Variants in ZNF281 observed in about 807,000 individuals in gnomAD.
ZNF281 encodes zinc finger protein 281.
In ZNF281, 2 loss-of-function variants were observed where a neutral mutation model predicts 58.8. The observed-to-expected ratio is 0.03, with a 90% CI of 0.01 to 0.11. ZNF281 has a LOEUF of 0.11. Among genes scored for constraint, ZNF281 ranks in the 10% least tolerant of loss-of-function variants. The pLI is 1.00. For missense variants in ZNF281, 975 were observed against 1,090.7 expected (o/e 0.89, Z 1.49); for synonymous variants, 465 against 407.7 (o/e 1.14, Z -1.69).
Position 200,407,820 on chromosome 1 carries a change from G to A in ZNF281, c.1886C>T (p.Ala629Val), listed in dbSNP as rs368423007. ...ESQKEDPFNI[A>V]EPRVDLHTSG... Reference sequence around the variant, plus strand: ...GGTGTGTAAATCCACTCGTGGTTCTGCAATATTGAAAGGATCCTCTTTCTG... The same window carrying A: ...GGTGTGTAAATCCACTCGTGGTTCTACAATATTGAAAGGATCCTCTTTCTG... The change falls in exon 2 of 2, where the codon GCA becomes GTA. Residue 629 changes from alanine (A) to valine (V), a missense_variant. Ala to Val is a moderately conservative substitution (Grantham distance 64). Around this residue, in one of 3 missense-constraint regions of ZNF281, gnomAD observed 579 missense variants for 608.9 expected, o/e 0.95. Transcript: ENST00000367353. 9.9e-6 allele frequency: 16 copies of A among 1,614,016 alleles called. No individual in the cohort carries two copies. The highest frequency in any genetic ancestry group is 1.6e-4 in the Middle Eastern group (1 of 6,082).
rs1342032031 is a variant in ZNF281, at chr1:200,409,157, A to G, written c.549T>C (p.His183=). 1 of 1,613,918 alleles carries G rather than the reference A, an allele frequency of 6.2e-7. No individual in the cohort carries two copies. The highest frequency in any genetic ancestry group is 1.7e-5 in the Admixed American group (1 of 60,006). Residue 183 remains histidine, a synonymous_variant, in exon 2 of 2, where the codon CAT becomes CAC. Transcript: ENST00000367353. The part of the protein sequence containing the change: ...VIQDLSILHQ[H]VQQQPAQHHR... Reference sequence around the variant, plus strand: ...GGTGCTGGGCTGGTTGCTGCTGGACATGCTGGTGGAGAATACTGAGGTCCT... The same window carrying G: ...GGTGCTGGGCTGGTTGCTGCTGGACGTGCTGGTGGAGAATACTGAGGTCCT...
rs781198186 is a variant in ZNF281, at chr1:200,408,332, C to G, written c.1374G>C (p.Leu458=). 6.2e-7 allele frequency: 1 copy of G among 1,613,480 alleles called. No homozygotes were observed. The highest frequency in any genetic ancestry group is 2.2e-5 in the East Asian group (1 of 44,884). ...GGIIGTGIDE[L]QKRVPKLIFK... Reference sequence around the variant, plus strand: ...AGATCAATTTTGGCACCCTCTTCTGCAGTTCATCTATTCCAGTGCCAATTA... The same window carrying G: ...AGATCAATTTTGGCACCCTCTTCTGGAGTTCATCTATTCCAGTGCCAATTA... Residue 458 remains leucine (L), a synonymous_variant, in exon 2 of 2, where the codon CTG becomes CTC. Coordinates refer to ENST00000367353, the MANE Select transcript of ZNF281 (RefSeq NM_001281293.2).
chr1:200,409,664 G>A lies in ZNF281; in HGVS notation c.42C>T (p.Thr14=). The A allele has an allele frequency of 6.4e-7, 1 of 1,562,286 alleles. No individual in the cohort carries two copies. Among genetic ancestry groups the A allele is most frequent in the Admixed American group, 1.9e-5 (1 of 53,372 alleles). ...GSGFLSGGGG[T]GSSGGSGSGG... is the part of the protein sequence containing the mutation. ...CGGAGCCGCTACCACCGCTACTGCC[G>A]GTACCTCCGCCGCCACTCAGGAACC... The change falls in exon 2 of 2, where the codon ACC becomes ACT. Residue 14 remains threonine, a synonymous_variant. Transcript: ENST00000367353.
At position 200,409,463 on chromosome 1, in the gene ZNF281, AGAG is replaced by A; in HGVS notation, c.240_242del (p.Ser81del). On this transcript the variant is annotated inframe_deletion, in exon 2 of 2. Coordinates refer to ENST00000367353, the MANE Select transcript of ZNF281 (RefSeq NM_001281293.2). ...GCTCAGCGGCCGGGGCTGCGGAGGT[AGAG>A]GAGGATAACACGCATTGCGGGGGAG... 3 of 1,541,832 alleles carry A rather than the reference AGAG, an allele frequency of 1.9e-6. No individual in the cohort carries two copies. The highest frequency in any genetic ancestry group is 1.4e-5 in the African/African-American group (1 of 72,750).
chr1:200,406,180 G>C lies in ZNF281; in HGVS notation c.*838C>G, dbSNP rs765907268. The C allele has an allele frequency of 2.6e-5, 4 of 152,416 alleles. No homozygotes were observed. The highest frequency in any genetic ancestry group is 5.9e-5 in the Non-Finnish European group (4 of 68,010). 9.4% of individuals were successfully genotyped at this position (152,416 alleles called of 1,614,324 possible). A position where few individuals can be genotyped will look rare whatever the true frequency, so the allele number is the denominator to read the frequency against. On this transcript the variant is annotated 3_prime_UTR_variant, in exon 2 of 2. Coordinates refer to ENST00000367353, the MANE Select transcript of ZNF281 (RefSeq NM_001281293.2). ...AATTTCAACTTGAGTTCTAATACTGGAACCAGCCAACCACTTGGGCTTCAA... is the reference window on the plus strand; with the variant it reads ...AATTTCAACTTGAGTTCTAATACTGCAACCAGCCAACCACTTGGGCTTCAA...
rs1558005830 is a variant in ZNF281, at chr1:200,409,121, T to C, written c.585A>G (p.Val195=). The change falls in exon 2 of 2, where the codon GTA becomes GTG. Residue 195 remains valine, a synonymous_variant. Coordinates refer to ENST00000367353, the MANE Select transcript of ZNF281 (RefSeq NM_001281293.2). The part of the protein sequence containing the change: ...QQQPAQHHRD[V]LLSSSSRTDD... ...CAGTCCTGCTACTGCTGCTGAGTAA[T>C]ACGTCACGGTGGTGCTGGGCTGGTT... 1 of 1,614,228 alleles carries C rather than the reference T, an allele frequency of 6.2e-7. No individual in the cohort carries two copies. The highest frequency in any genetic ancestry group is 8.5e-7 in the Non-Finnish European group (1 of 1,180,040).
chr1:200,409,371 G>T lies in ZNF281; in HGVS notation c.335C>A (p.Pro112His), dbSNP rs781364082. Reference protein sequence around the residue: ...KEPAASAAAFPSQRTSWGFLQ... With the variant: ...KEPAASAAAFHSQRTSWGFLQ... ...GAACCCCCAGGAGGTCCTCTGCGAGGGGAAGGCCGCGGCTGACGCCGCCGG... is the reference window on the plus strand; with the variant it reads ...GAACCCCCAGGAGGTCCTCTGCGAGTGGAAGGCCGCGGCTGACGCCGCCGG... The change falls in exon 2 of 2, where the codon CCC (proline) becomes CAC (histidine). Residue 112 changes from proline to histidine, a missense_variant. Physicochemically the swap from Pro to His is moderately conservative, Grantham distance 77. Transcript: ENST00000367353. 1.6e-5 allele frequency: 24 copies of T among 1,532,922 alleles called. No individual in the cohort carries two copies. The highest frequency in any genetic ancestry group is 2.0e-5 in the Non-Finnish European group (23 of 1,138,546). 95.0% of individuals were successfully genotyped at this position (1,532,922 alleles called of 1,614,324 possible).
chr1:200,409,782 G>T, intron 1 of ZNF281, 59 bp from the exon 2 acceptor site: 1 of 1,511,012 alleles, frequency 6.6e-7, no homozygotes, highest in Non-Finnish European at 8.8e-7. Flanking sequence ...CGGGCCCCGG[G>T]CCGGGACCAC....
In ZNF281 at chr1:200,407,929, T is replaced by C. The variant is rs1376884798; in HGVS notation, c.1777A>G (p.Ile593Val). 2.5e-6 allele frequency: 4 copies of C among 1,614,172 alleles called. No individual in the cohort carries two copies. The highest frequency in any genetic ancestry group is 1.7e-6 in the Non-Finnish European group (2 of 1,180,024). ...CCAGACTTGTCATGACAAGATTTAA[T>C]TTCAGCATTTAGAGCTGAGGAGTCA... ...LIDSSALNAEIKSCHDKSGIP... is the reference protein window; with the variant it reads ...LIDSSALNAEVKSCHDKSGIP... The change falls in exon 2 of 2, where the codon ATT becomes GTT. Residue 593 changes from isoleucine to valine, a missense_variant. Physicochemically the swap from Ile to Val is conservative, Grantham distance 29. This residue lies in a region of ZNF281 where 579 missense variants were observed against 608.9 expected (regional missense o/e 0.95). Transcript: ENST00000367353.
In ZNF281 at chr1:200,408,583, C is replaced by A; in HGVS notation, c.1123G>T (p.Ala375Ser). Residue 375 changes from alanine to serine, a missense_variant, in exon 2 of 2, where the codon GCC (alanine) becomes TCC (serine). This residue lies in a region of ZNF281 where 579 missense variants were observed against 608.9 expected (regional missense o/e 0.95). Coordinates refer to ENST00000367353, the MANE Select transcript of ZNF281 (RefSeq NM_001281293.2). Reference sequence around the variant, plus strand: ...GATGACCCAGGTTCTGCACTAGTGGCTCCTTTAACTATGACTTCACCACAT... The same window carrying A: ...GATGACCCAGGTTCTGCACTAGTGGATCCTTTAACTATGACTTCACCACAT... ...RTCGEVIVKG[A>S]TSAEPGSSNH... 6.2e-7 allele frequency: 1 copy of A among 1,614,190 alleles called. No homozygotes were observed. Among genetic ancestry groups the A allele is most frequent in the South Asian group, 1.1e-5 (1 of 91,082 alleles).
chr1:200,409,603 TGCCGCC>T lies in ZNF281; in HGVS notation c.97_102del (p.Gly33_Gly34del), dbSNP rs756735296. 3.2e-4 allele frequency: 503 copies of T among 1,547,950 alleles called. No homozygotes were observed. The highest frequency in any genetic ancestry group is 4.2e-4 in the Non-Finnish European group (484 of 1,146,606). On this transcript the variant is annotated inframe_deletion, in exon 2 of 2. Coordinates refer to ENST00000367353, the MANE Select transcript of ZNF281 (RefSeq NM_001281293.2). The stretch of plus-strand genomic sequence containing the variant: ...TCCATCTCTGCCCTCCTGCCGCTGC[TGCCGCC>T]GCCGCCGCCGCCGCCACTACCACCG...
chr1:200,408,485 C>A lies in ZNF281; in HGVS notation c.1221G>T (p.Lys407Asn), dbSNP rs2102483582. 6.2e-7 allele frequency: 1 copy of A among 1,614,140 alleles called. No individual in the cohort carries two copies. The highest frequency in any genetic ancestry group is 1.3e-5 in the African/African-American group (1 of 75,046). ...GNTSSSRRKT[K>N]SKSIAIENKE... ...TATTTTCAATAGCTATGCTTTTTGA[C>A]TTTGTTTTTCTCCTTGAAGAACTTG... Residue 407 changes from lysine to asparagine, a missense_variant, in exon 2 of 2, where the codon AAG becomes AAT. Lys to Asn is a moderately conservative substitution (Grantham distance 94, BLOSUM62 0). This residue lies in a region of ZNF281 where 579 missense variants were observed against 608.9 expected (regional missense o/e 0.95). Coordinates refer to ENST00000367353, the MANE Select transcript of ZNF281 (RefSeq NM_001281293.2).
Position 200,407,469 on chromosome 1 carries a change from C to T in ZNF281, c.2237G>A (p.Gly746Asp). 10 of 1,614,154 alleles carry T rather than the reference C, an allele frequency of 6.2e-6. No homozygotes were observed. The highest frequency in any genetic ancestry group is 7.6e-6 in the Non-Finnish European group (9 of 1,180,032). Reference protein sequence around the residue: ...PFGMLFGSQPGLYLSALDATH... With the variant: ...PFGMLFGSQPDLYLSALDATH... ...AGCATCCAAAGCAGACAAATAAAGA[C>T]CTGGCTGAGATCCAAACAACATCCC... The change falls in exon 2 of 2, where the codon GGT (glycine) becomes GAT (aspartate). Residue 746 changes from glycine (G) to aspartate (D), a missense_variant. Physicochemically the swap from Gly to Asp is moderately conservative, Grantham distance 94. Coordinates refer to ENST00000367353, the MANE Select transcript of ZNF281 (RefSeq NM_001281293.2).
chr1:200,408,660 G>A lies in ZNF281; in HGVS notation c.1046C>T (p.Thr349Ile), dbSNP rs201468115. The A allele has an allele frequency of 1.2e-6, 2 of 1,614,200 alleles. No individual in the cohort carries two copies. The highest frequency in any genetic ancestry group is 1.7e-6 in the Non-Finnish European group (2 of 1,180,042). Residue 349 changes from threonine to isoleucine, a missense_variant, in exon 2 of 2, where the codon ACT becomes ATT. Coordinates refer to ENST00000367353, the MANE Select transcript of ZNF281 (RefSeq NM_001281293.2). ...AGTCCTTGAAAAATACTGTTGGCAA[G>A]TGTCACACTTATATGGCTTTTCTCC... ...HSGEKPYKCD[T>I]CQQYFSRTDR... is the part of the protein sequence containing the mutation.
chr1:200,406,754 C>T lies in ZNF281; in HGVS notation c.*264G>A. 3.4e-6 allele frequency: 1 copy of T among 294,028 alleles called. No homozygotes were observed. The highest frequency in any genetic ancestry group is 6.2e-6 in the Non-Finnish European group (1 of 162,238). 18.2% of individuals were successfully genotyped at this position (294,028 alleles called of 1,614,324 possible). On this transcript the variant is annotated 3_prime_UTR_variant, in exon 2 of 2. Transcript: ENST00000367353. ...TGCGTTTAAAACATTTGGGCTATTC[C>T]CTGACGATCTATACATGTAAATTTG...
rs997657109 is a variant in ZNF281, at chr1:200,405,684, T to C, written c.*1334A>G. 2.0e-5 allele frequency: 3 copies of C among 152,224 alleles called. No homozygotes were observed. The highest frequency in any genetic ancestry group is 1.5e-5 in the Non-Finnish European group (1 of 68,036). 9.4% of individuals were successfully genotyped at this position (152,224 alleles called of 1,614,324 possible). On this transcript the variant is annotated 3_prime_UTR_variant, in exon 2 of 2. Coordinates refer to ENST00000367353, the MANE Select transcript of ZNF281 (RefSeq NM_001281293.2). ...TTACAAGACCCCTGTACAATACTAA[T>C]GCACCCTTTCATTAAAATGTACATT...
Position 200,408,262 on chromosome 1 carries a change from A to C in ZNF281, c.1444T>G (p.Phe482Val). 6.2e-7 allele frequency: 1 copy of C among 1,611,424 alleles called. No homozygotes were observed. Among genetic ancestry groups the C allele is most frequent in the Non-Finnish European group, 8.5e-7 (1 of 1,179,990 alleles). The change falls in exon 2 of 2, where the codon TTT becomes GTT. Residue 482 changes from phenylalanine (F) to valine (V), a missense_variant. Physicochemically the swap from Phe to Val is conservative, Grantham distance 50. Around this residue, in one of 3 missense-constraint regions of ZNF281, gnomAD observed 579 missense variants for 608.9 expected, o/e 0.95. Coordinates refer to ENST00000367353, the MANE Select transcript of ZNF281 (RefSeq NM_001281293.2). ...ACTATGTCTGGTAATGGTGACACAA[A>C]GTTAAGGTAGTTTTTATCTGTATTC... ...RKNTDKNYLN[F>V]VSPLPDIVGQ...
rs898527238 is a variant in ZNF281 at position 200,407,507 on chromosome 1, T to C, written c.2199A>G (p.Pro733=). The change falls in exon 2 of 2, where the codon CCA becomes CCG. Residue 733 remains proline (P), a synonymous_variant. Coordinates refer to ENST00000367353, the MANE Select transcript of ZNF281 (RefSeq NM_001281293.2). ...CAAACAACATCCCAAAAGGAGGCTT[T>C]GGCAATGAAGATGGCAACACTGAGG... ...SVTSVLPSSL[P]KPPFGMLFGS... is the part of the protein sequence containing the mutation. The C allele has an allele frequency of 6.2e-7, 1 of 1,614,222 alleles. No individual in the cohort carries two copies. Among genetic ancestry groups the C allele is most frequent in the Non-Finnish European group, 8.5e-7 (1 of 1,180,038 alleles).
In ZNF281 at chr1:200,408,464, T is replaced by C. The variant is rs746610620; in HGVS notation, c.1242A>G (p.Glu414=). Residue 414 remains glutamate (E), a synonymous_variant, in exon 2 of 2, where the codon GAA becomes GAG. Transcript: ENST00000367353. ...TTTTACCGGTCTTCTGTTCCTTATT[T>C]TCAATAGCTATGCTTTTTGACTTTG... ...RKTKSKSIAI[E]NKEQKTGKTN... 1.9e-6 allele frequency: 3 copies of C among 1,614,230 alleles called. No individual in the cohort carries two copies. The East Asian group carries it at 6.7e-5, about 36-fold the overall frequency.
Sources: gnomAD v4.1 joint callset for allele counts on GRCh38, gnomAD v4.1.1 for gene constraint, gnomAD v4.1.1 regional missense constraint, MANE v1.5 for transcripts, NCBI Gene and HGNC (gene_info 2026-07-23, HGNC 2026-07-21) for gene names.